ENTREP1: variants seen among roughly 807,000 people sequenced by gnomAD.
The protein encoded by ENTREP1 is Friedreich ataxia region gene X123.
At chr9:69,333,711 A>T in the ENTREP1 span, among the ~76,000 whole-genome samples, 1 of 152,178 alleles carries the variant, frequency 6.6e-6, no homozygotes, top group Non-Finnish European at 1.5e-5. Context: ...TAATAATTCA[A>T]ATCATATTTT....
At chr9:69,377,238 G>C in the ENTREP1 span, 2 of 678,052 alleles carry the variant, frequency 2.9e-6, no homozygotes, top group South Asian at 1.7e-5. Flanking sequence ...CACCATCTAA[G>C]TCCTTTACAT....
chr9:69,354,253 C>CTTTT, the ENTREP1 span, among the ~76,000 whole-genome samples: 17 of 53,266 alleles, frequency 3.2e-4, no homozygotes, highest in African/African-American at 9.9e-4. Context: ...CCTATTGCAA[C>CTTTT]ATTTTTTTTT....
At chr9:69,367,620 C>CAT in the ENTREP1 span, among the ~76,000 whole-genome samples, 3 of 128,298 alleles carry the variant, frequency 2.3e-5, no homozygotes, top group Non-Finnish European at 5.0e-5. Context: ...TATATACACA[C>CAT]ATATATATAA....
chr9:69,344,674 C>G, the ENTREP1 span, among the ~76,000 whole-genome samples: 18 of 152,216 alleles, frequency 1.2e-4, no homozygotes, highest in African/African-American at 4.1e-4. Flanking sequence ...ACCTCTACCC[C>G]CTGGAGCTCT....
the ENTREP1 span, among the ~76,000 whole-genome samples, chr9:69,347,107 T>C: frequency 0.24 from 35,896 of 152,080 alleles, 4,582 homozygotes; most frequent in East Asian, 0.34. Context: ...AAGCACAACA[T>C]GAATATACTT....
At chr9:69,383,757 C>T in the ENTREP1 span, 61 of 1,614,032 alleles carry the variant, frequency 3.8e-5, no homozygotes, top group African/African-American at 7.9e-4. Context: ...GGACCAGGAG[C>T]AGGTACTGTC....
the ENTREP1 span, among the ~76,000 whole-genome samples, chr9:69,366,079 T>A: frequency 6.6e-6 from 1 of 152,164 alleles, no homozygotes; most frequent in Admixed American, 6.6e-5. Context: ...GGTAACTCCA[T>A]TTTTATTTTT....
At chr9:69,364,266 A>G in the ENTREP1 span, among the ~76,000 whole-genome samples, 1 of 152,200 alleles carries the variant, frequency 6.6e-6, no homozygotes, top group South Asian at 2.1e-4. Flanking sequence ...ATGGATGAGA[A>G]AAGTCTCACA....
chr9:69,353,256 C>G, the ENTREP1 span, among the ~76,000 whole-genome samples: 2 of 152,210 alleles, frequency 1.3e-5, no homozygotes, highest in East Asian at 3.8e-4. Flanking sequence ...AATGCTTGTA[C>G]TGTCTATTAC....
chr9:69,383,719 C>T, the ENTREP1 span: 35 of 1,613,922 alleles, frequency 2.2e-5, no homozygotes, highest in African/African-American at 1.1e-4. Flanking sequence ...GATCCCCCGC[C>T]GCCATATGAA....
chr9:69,324,598 G>A, the ENTREP1 span: 53 of 985,266 alleles, frequency 5.4e-5, no homozygotes, highest in Non-Finnish European at 6.0e-5. Flanking sequence ...CTCCTACCGA[G>A]ATGCCGGGAA....
chr9:69,381,999 G>A, the ENTREP1 span: 124,326 of 152,336 alleles, frequency 0.82, 50,836 homozygotes, highest in South Asian at 0.88. Flanking sequence ...CTCTGGACAC[G>A]TAACAAACAG....
chr9:69,382,557 T>C, the ENTREP1 span: 2 of 152,192 alleles, frequency 1.3e-5, no homozygotes, highest in Admixed American at 6.5e-5. Flanking sequence ...CAGACAAATA[T>C]AGAGGAAAAC....
the ENTREP1 span, chr9:69,371,125 C>T: frequency 7.4e-5 from 21 of 284,720 alleles, 1 homozygote; most frequent in South Asian, 6.8e-4. Context: ...CACTTATATT[C>T]CAGAGTTCTG....
chr9:69,354,060 A>G, the ENTREP1 span, among the ~76,000 whole-genome samples: 1 of 152,012 alleles, frequency 6.6e-6, no homozygotes, highest in Non-Finnish European at 1.5e-5. Flanking sequence ...ACAATAGTTA[A>G]TCCTTAAATA....
the ENTREP1 span, among the ~76,000 whole-genome samples, chr9:69,372,447 T>A: frequency 6.6e-6 from 1 of 152,228 alleles, no homozygotes. Context: ...TGTTTGTCTT[T>A]TTGTGACTGG....
At chr9:69,336,386 A>G in the ENTREP1 span, 1 of 623,546 alleles carries the variant, frequency 1.6e-6, no homozygotes, top group Admixed American at 2.8e-5. Flanking sequence ...AAATAAGTTA[A>G]CAATAGATAA....
the ENTREP1 span, among the ~76,000 whole-genome samples, chr9:69,371,889 A>C: frequency 0.43 from 65,280 of 152,074 alleles, 14,570 homozygotes; most frequent in African/African-American, 0.56. Context: ...GTCCACAATC[A>C]ATCAGTCTCT....
chr9:69,357,555 T>C, the ENTREP1 span, among the ~76,000 whole-genome samples: 1 of 152,116 alleles, frequency 6.6e-6, no homozygotes, highest in Admixed American at 6.5e-5. Context: ...TGGGTGATGG[T>C]AATGTATCTG....
Sources: gnomAD v4.1 joint callset for allele counts (sites outside exome capture counted in the v4.1 genomes callset) on GRCh38, gnomAD v4.1.1 for gene constraint, MANE v1.5 for transcripts, NCBI Gene and HGNC (gene_info 2026-07-23, HGNC 2026-07-21) for gene names.